TMEM178B: variants seen among roughly 807,000 people sequenced by gnomAD.
The protein encoded by TMEM178B is transmembrane protein 178B.
TMEM178B carries 5 observed loss-of-function variants against 31.0 expected under a neutral mutation model. The observed-to-expected ratio is 0.16, with a 90% CI of 0.08 to 0.34. TMEM178B has a LOEUF of 0.34. TMEM178B is among the 10% of genes least tolerant of loss of function. The probability of loss-of-function intolerance (pLI) is 1.00; values close to 1 mark genes in which losing one functional copy is unlikely to be tolerated. For missense variants in TMEM178B, 275 were observed against 400.3 expected, an observed-to-expected ratio of 0.69 and a Z score of 2.67; for synonymous variants, 164 against 164.0, an observed-to-expected ratio of 1.00 and a Z score of 0.00.
chr7:141,086,513 G>A (rs948130070), intron 1 of TMEM178B, among the ~76,000 whole-genome samples: 5 of 152,068 alleles, frequency 3.3e-5, no homozygotes, highest in African/African-American at 9.7e-5. Flanking sequence ...CCATTTATAC[G>A]AAGTTCAAAA....
intron 1 of TMEM178B, among the ~76,000 whole-genome samples, chr7:141,105,967 C>T (rs1030911695): frequency 3.3e-5 from 5 of 151,312 alleles, no homozygotes; most frequent in South Asian, 2.1e-4. Context: ...TGGTAGTGCA[C>T]GCCTATGGTC....
intron 1 of TMEM178B, among the ~76,000 whole-genome samples, chr7:141,170,129 G>A (rs1796324381): frequency 6.6e-6 from 1 of 152,088 alleles, no homozygotes; most frequent in Non-Finnish European, 1.5e-5. Flanking sequence ...AAAATTCTTT[G>A]GGTTCTCTCC....
At chr7:141,425,866 T>A (rs1039592771) in intron 2 of TMEM178B, among the ~76,000 whole-genome samples, 14 of 152,190 alleles carry the variant, frequency 9.2e-5, no homozygotes, top group Admixed American at 3.3e-4. Flanking sequence ...GTCAAGCCTG[T>A]CTTCTGACCC....
intron 1 of TMEM178B, among the ~76,000 whole-genome samples, chr7:141,204,493 C>T (rs1796930839): frequency 6.6e-6 from 1 of 152,178 alleles, no homozygotes; most frequent in African/African-American, 2.4e-5. Flanking sequence ...ACTGCAGCTT[C>T]AGCCGGAATC....
chr7:141,176,231 A>G (rs1796431768), intron 1 of TMEM178B, among the ~76,000 whole-genome samples: 1 of 152,080 alleles, frequency 6.6e-6, no homozygotes, highest in African/African-American at 2.4e-5. Flanking sequence ...GGTTTTTGTC[A>G]TTGGTTCTGT....
chr7:141,262,967 A>AT lies in TMEM178B; in HGVS notation c.496+50271dup, dbSNP rs1199203410. Reference sequence around the variant, plus strand: ...CAAAATGCATTTTCTTTCCCTTTTGATTTTTTTTGAGGCTTTCCATTTCCA... The same window carrying AT: ...CAAAATGCATTTTCTTTCCCTTTTGATTTTTTTTTGAGGCTTTCCATTTCCA... On this transcript the variant is annotated intron_variant, in intron 2 of 3. Coordinates refer to ENST00000565468, the MANE Select transcript of TMEM178B (RefSeq NM_001195278.2). Among the ~76,000 whole-genome samples, 8 of 151,892 alleles carry AT rather than the reference A, an allele frequency of 5.3e-5. No homozygotes were observed. The South Asian group carries it at 1.3e-3, about 24-fold the overall frequency.
chr7:141,481,763 A>T (rs1252206922), downstream of TMEM178B, among the ~76,000 whole-genome samples: 1 of 152,196 alleles, frequency 6.6e-6, no homozygotes, highest in African/African-American at 2.4e-5. Flanking sequence ...CCCCACCTTG[A>T]TAGTAATGTC....
intron 1 of TMEM178B, among the ~76,000 whole-genome samples, chr7:141,210,504 C>T (rs143004777): frequency 4.3e-4 from 66 of 152,212 alleles, no homozygotes; most frequent in African/African-American, 1.6e-3. Flanking sequence ...ATGAGGATGG[C>T]AATGCCTACT....
chr7:141,191,347 A>G (rs1796692640), intron 1 of TMEM178B, among the ~76,000 whole-genome samples: 1 of 152,246 alleles, frequency 6.6e-6, no homozygotes, highest in Non-Finnish European at 1.5e-5. Context: ...CCTGTGAAAC[A>G]TCTCTTGGAG....
intron 3 of TMEM178B, among the ~76,000 whole-genome samples, chr7:141,438,696 TAAAAAAAAAAAAAA>T (rs869132131): frequency 3.8e-4 from 11 of 28,992 alleles, no homozygotes; most frequent in Admixed American, 2.3e-3. Context: ...CCGTCTCTAC[TAAAAAAAAAAAAAA>T]AAAAAAAAAA....
intron 2 of TMEM178B, among the ~76,000 whole-genome samples, chr7:141,251,775 A>T (rs753921427): frequency 4.6e-5 from 7 of 152,010 alleles, no homozygotes; most frequent in African/African-American, 9.7e-5. Flanking sequence ...TATTTCTTTG[A>T]TTTATTAGTA....
intron 1 of TMEM178B, among the ~76,000 whole-genome samples, chr7:141,152,628 C>G (rs1795995445): frequency 6.6e-6 from 1 of 152,112 alleles, no homozygotes. Context: ...GGAGCAAGAA[C>G]ATTAGCAGGG....
At chr7:141,219,122 C>T (rs1358914159) in intron 2 of TMEM178B, among the ~76,000 whole-genome samples, 2 of 152,282 alleles carry the variant, frequency 1.3e-5, no homozygotes, top group African/African-American at 4.8e-5. Flanking sequence ...CTCGACGTTT[C>T]CTCCCAGGAG....
intron 2 of TMEM178B, among the ~76,000 whole-genome samples, chr7:141,271,633 C>T (rs1798184650): frequency 6.6e-6 from 1 of 152,186 alleles, no homozygotes; most frequent in African/African-American, 2.4e-5. Context: ...TGTTTCAAAA[C>T]AAAATCCTTC....
intron 1 of TMEM178B, among the ~76,000 whole-genome samples, chr7:141,202,308 A>G (rs1213628559): frequency 6.8e-6 from 1 of 146,808 alleles, no homozygotes; most frequent in African/African-American, 2.5e-5. Flanking sequence ...ATGTGTTGCA[A>G]TAGAACCAGC....
chr7:141,084,493 C>A (rs1020997839), intron 1 of TMEM178B, among the ~76,000 whole-genome samples: 2 of 152,124 alleles, frequency 1.3e-5, no homozygotes, highest in Non-Finnish European at 2.9e-5. Context: ...AAGTACAAGC[C>A]CCCTGGTTGG....
intron 2 of TMEM178B, among the ~76,000 whole-genome samples, chr7:141,287,794 C>G (rs1798470946): frequency 6.6e-6 from 1 of 152,164 alleles, no homozygotes; most frequent in Non-Finnish European, 1.5e-5. Context: ...GCCAACTGTT[C>G]TCCTATTATC....
intron 2 of TMEM178B, among the ~76,000 whole-genome samples, chr7:141,407,760 C>T (rs2116629232): frequency 6.6e-6 from 1 of 152,320 alleles, no homozygotes; most frequent in Admixed American, 6.5e-5. Context: ...TGATCCAACA[C>T]TCTGAGAAGC....
At chr7:141,436,321 G>A (rs915456980) in intron 2 of TMEM178B, among the ~76,000 whole-genome samples, 12 of 151,976 alleles carry the variant, frequency 7.9e-5, no homozygotes, top group South Asian at 4.1e-4. Context: ...GTGCTTGCAC[G>A]GGGTGTGGAT....
Sources: gnomAD v4.1 joint callset for allele counts (sites outside exome capture counted in the v4.1 genomes callset) on GRCh38, gnomAD v4.1.1 for gene constraint, MANE v1.5 for transcripts, NCBI Gene and HGNC (gene_info 2026-07-23, HGNC 2026-07-21) for gene names.